The following RALYL variants were observed in gnomAD, a reference collection of about 807,000 sequenced individuals.
RALYL encodes the protein RALY RNA binding protein like, also known as RNA-binding Raly-like protein.
In RALYL, 29 loss-of-function variants were observed where a neutral mutation model predicts 35.1. The ratio of observed to expected loss-of-function variants is 0.83; its 90% CI spans 0.61 to 1.13. The LOEUF (loss-of-function observed/expected upper bound fraction) is 1.13, where lower values mean the gene tolerates loss of function less well. RALYL is among the 50% of genes most tolerant of loss of function. The pLI, the probability that RALYL is intolerant of heterozygous loss-of-function variation, is 0.00. For synonymous variants in RALYL, 120 were observed against 127.6 expected, an observed-to-expected ratio of 0.94 and a Z score of 0.40; for missense variants, 359 against 360.4, an observed-to-expected ratio of 1.00 and a Z score of 0.03.
chr8:84,315,108 T>G (rs961731274), intron 1 of RALYL, among the ~76,000 whole-genome samples: 3 of 152,190 alleles, frequency 2.0e-5, no homozygotes, highest in African/African-American at 7.2e-5. Flanking sequence ...CACAATATTA[T>G]TTGTGATAAC....
intron 2 of RALYL, among the ~76,000 whole-genome samples, chr8:84,686,071 A>C (rs1836716103): frequency 1.3e-5 from 2 of 152,194 alleles, no homozygotes; most frequent in African/African-American, 4.8e-5. Context: ...GTTTTTTTGC[A>C]TTCCCCACAT....
chr8:84,508,682 T>A (rs2057369589), intron 1 of RALYL, among the ~76,000 whole-genome samples: 1 of 151,994 alleles, frequency 6.6e-6, no homozygotes, highest in African/African-American at 2.4e-5. Context: ...AAAAGATGAA[T>A]TTTTCCAAGC....
intron 2 of RALYL, among the ~76,000 whole-genome samples, chr8:84,717,413 C>G (rs1252436406): frequency 1.3e-5 from 2 of 152,130 alleles, no homozygotes; most frequent in African/African-American, 4.8e-5. Flanking sequence ...TCTTAGATTA[C>G]TACTGGCAGC....
intron 2 of RALYL, among the ~76,000 whole-genome samples, chr8:84,542,627 G>A (rs1318749746): frequency 1.3e-5 from 2 of 152,078 alleles, no homozygotes; most frequent in Admixed American, 1.3e-4. Context: ...GGCTGTGTTT[G>A]CTTTTCCTTC....
chr8:84,366,373 A>G (rs1406215462), intron 1 of RALYL, among the ~76,000 whole-genome samples: 10 of 152,208 alleles, frequency 6.6e-5, no homozygotes, highest in Admixed American at 6.5e-4. Flanking sequence ...ACTAATTTGC[A>G]GTTTAGTTAG....
At chr8:84,909,475 C>G (rs10098818) in intron 8 of RALYL, among the ~76,000 whole-genome samples, 53,248 of 151,738 alleles carry the variant, frequency 0.35, 10,257 homozygotes, top group East Asian at 0.61. Flanking sequence ...TAACACAGAA[C>G]TGGTTGAGCA....
At chr8:84,752,294 A>C (rs1481990904) in intron 2 of RALYL, among the ~76,000 whole-genome samples, 2 of 152,216 alleles carry the variant, frequency 1.3e-5, no homozygotes, top group Non-Finnish European at 2.9e-5. Flanking sequence ...TAAGCCACAA[A>C]GCATTCACAG....
In RALYL at chr8:84,630,578, C is replaced by T. The variant is rs976715327; in HGVS notation, c.256+101001C>T. On this transcript the variant is annotated intron_variant, in intron 2 of 8. Coordinates refer to ENST00000521268, the MANE Select transcript of RALYL (RefSeq NM_173848.7). ...AATAATGCTCATCTTTAAATTAGGA[C>T]GTTGAGGAAACTGAAGGCCCAAATG... 5.3e-5 allele frequency among the ~76,000 whole-genome samples: 8 copies of T among 152,016 alleles called. No homozygotes were observed. In the East Asian group the frequency reaches 5.8e-4, roughly 11 times the overall value.
intron 1 of RALYL, among the ~76,000 whole-genome samples, chr8:84,245,619 T>G (rs1257660256): frequency 2.0e-5 from 3 of 152,222 alleles, no homozygotes; most frequent in Non-Finnish European, 2.9e-5. Context: ...CGTATGCATA[T>G]GACTTATCAC....
intron 2 of RALYL, among the ~76,000 whole-genome samples, chr8:84,758,744 T>A (rs1812017519): frequency 6.6e-6 from 1 of 152,288 alleles, no homozygotes; most frequent in South Asian, 2.1e-4. Flanking sequence ...GACATCCCAT[T>A]TTCTGTCACA....
intron 1 of RALYL, among the ~76,000 whole-genome samples, chr8:84,452,061 G>T (rs1472355171): frequency 6.6e-6 from 1 of 151,760 alleles, no homozygotes; most frequent in Non-Finnish European, 1.5e-5. Flanking sequence ...TGTGTTCCTT[G>T]ACCCATTTAA....
chr8:84,364,861 G>T (rs1182089290), intron 1 of RALYL, among the ~76,000 whole-genome samples: 1 of 152,106 alleles, frequency 6.6e-6, no homozygotes, highest in Non-Finnish European at 1.5e-5. Context: ...CATTTTAAGA[G>T]AAAGGAATAT....
At chr8:84,539,565 T>C (rs1404502575) in intron 2 of RALYL, among the ~76,000 whole-genome samples, 3 of 151,924 alleles carry the variant, frequency 2.0e-5, no homozygotes. Flanking sequence ...GCTTTTTCTG[T>C]CTTGTTGAAA....
intron 1 of RALYL, among the ~76,000 whole-genome samples, chr8:84,510,181 T>C (rs1010958497): frequency 5.3e-5 from 8 of 152,326 alleles, no homozygotes; most frequent in African/African-American, 1.7e-4. Context: ...ATCAGAATTT[T>C]GTGGCTTTTA....
intron 2 of RALYL, among the ~76,000 whole-genome samples, chr8:84,692,294 A>G (rs970694341): frequency 6.6e-6 from 1 of 152,032 alleles, no homozygotes; most frequent in Non-Finnish European, 1.5e-5. Flanking sequence ...ATATAGAAAA[A>G]TCAAAAACAA....
rs1381056522 is a variant in RALYL, at chr8:84,722,615, TTTTATATATATA to T, written c.257-51962_257-51951del. Among the ~76,000 whole-genome samples, 25 of 65,644 alleles carry T rather than the reference TTTTATATATATA, an allele frequency of 3.8e-4. 2 individuals carry two copies. Among genetic ancestry groups the T allele is most frequent in the African/African-American group, 2.4e-3 (25 of 10,628 alleles). 43.1% of individuals were successfully genotyped at this position (65,644 alleles called of 152,430 possible). A position where few individuals can be genotyped will look rare whatever the true frequency, so the allele number is the denominator to read the frequency against. ...CAAGGTCAGTATATTCCTAGAGTGA[TTTTATATATATA>T]TATATATATATATATATATATGTAT... On this transcript the variant is annotated intron_variant, in intron 2 of 8. Coordinates refer to ENST00000521268, the MANE Select transcript of RALYL (RefSeq NM_173848.7).
intron 1 of RALYL, among the ~76,000 whole-genome samples, chr8:84,229,507 A>G (rs1370173946): frequency 6.6e-6 from 1 of 152,224 alleles, no homozygotes; most frequent in Non-Finnish European, 1.5e-5. Flanking sequence ...TATCCCAAAT[A>G]TTAATTTCCA....
chr8:84,832,336 C>T (rs1221854861), intron 4 of RALYL, among the ~76,000 whole-genome samples: 1 of 152,072 alleles, frequency 6.6e-6, no homozygotes, highest in Non-Finnish European at 1.5e-5. Flanking sequence ...CTAATGACCT[C>T]TTTCTGGTTT....
At chr8:84,850,884 C>G (rs961693209) in intron 5 of RALYL, among the ~76,000 whole-genome samples, 1 of 152,306 alleles carries the variant, frequency 6.6e-6, no homozygotes, top group African/African-American at 2.4e-5. Context: ...CACTTCCCCT[C>G]CATAGCGTTA....
Sources: gnomAD v4.1 joint callset for allele counts (sites outside exome capture counted in the v4.1 genomes callset) on GRCh38, gnomAD v4.1.1 for gene constraint, MANE v1.5 for transcripts, NCBI Gene and HGNC (gene_info 2026-07-23, HGNC 2026-07-21) for gene names.